LINC00305: variants seen among roughly 807,000 people sequenced by gnomAD.
LINC00305 encodes the protein long intergenic non-protein coding RNA 305.
At chr18:64,129,300 A>G (rs2051398955) in intron 1 of LINC00305, among the ~76,000 whole-genome samples, 1 of 152,106 alleles carries the variant, frequency 6.6e-6, no homozygotes, top group African/African-American at 2.4e-5. Flanking sequence ...TTTCCTCTTA[A>G]ATGACTGATT....
At chr18:64,110,698 C>T (rs1568109959) in intron 1 of LINC00305, among the ~76,000 whole-genome samples, 2 of 151,774 alleles carry the variant, frequency 1.3e-5, no homozygotes, top group South Asian at 2.1e-4. Flanking sequence ...TTTTTTTGCA[C>T]GAGTTATTTA....
rs1204422175 is a variant in LINC00305 at position 64,143,562 on chromosome 18, ATATATACACATATG to A, written n.314+5199_314+5212del. Among the ~76,000 whole-genome samples the A allele has an allele frequency of 8.8e-4, 17 of 19,244 alleles. 2 individuals carry two copies. Among genetic ancestry groups the A allele is most frequent in the Middle Eastern group, 0.062 (1 of 16 alleles). 12.6% of individuals were successfully genotyped at this position (19,244 alleles called of 152,430 possible). ...ATATATGTACACATATTATGTGTAC[ATATATACACATATG>A]TATATGTACATATGTACACATATGT... On this transcript the variant is annotated intron_variant and non_coding_transcript_variant, in intron 1 of 3. Coordinates refer to ENST00000666468, the Ensembl canonical transcript of LINC00305.
intron 1 of LINC00305, among the ~76,000 whole-genome samples, chr18:64,105,209 C>T (rs2051285052): frequency 6.6e-6 from 1 of 152,078 alleles, no homozygotes; most frequent in Non-Finnish European, 1.5e-5. Flanking sequence ...GGCTGTAATC[C>T]CAGCACTTAG....
intron 1 of LINC00305, among the ~76,000 whole-genome samples, chr18:64,144,142 T>C (rs1167165545): frequency 6.6e-6 from 1 of 152,190 alleles, no homozygotes; most frequent in Non-Finnish European, 1.5e-5. Flanking sequence ...TCTATTAATA[T>C]CTACCTTGCT....
chr18:64,105,580 G>A (rs1279772373), intron 1 of LINC00305, among the ~76,000 whole-genome samples: 1 of 152,176 alleles, frequency 6.6e-6, no homozygotes, highest in African/African-American at 2.4e-5. Flanking sequence ...GTGTGTACGT[G>A]CACGTGTGTG....
chr18:64,143,488 T>A (rs1287815446), intron 1 of LINC00305, among the ~76,000 whole-genome samples: 1 of 49,736 alleles, frequency 2.0e-5, no homozygotes, highest in Non-Finnish European at 4.3e-5. Context: ...TGATGGTGTG[T>A]GTGTGTATAT....
At chr18:64,145,586 T>G (rs1165085897) in intron 1 of LINC00305, among the ~76,000 whole-genome samples, 3 of 152,134 alleles carry the variant, frequency 2.0e-5, no homozygotes, top group Non-Finnish European at 4.4e-5. Context: ...TAATATTTTT[T>G]TGTAGTTTTA....
intron 1 of LINC00305, among the ~76,000 whole-genome samples, chr18:64,114,033 A>G (rs959873975): frequency 1.3e-5 from 2 of 152,090 alleles, no homozygotes; most frequent in African/African-American, 2.4e-5. Flanking sequence ...ACTTTGGGAG[A>G]CCGAGGCGGG....
chr18:64,104,919 T>C (rs775006596), intron 1 of LINC00305, among the ~76,000 whole-genome samples: 1 of 151,860 alleles, frequency 6.6e-6, no homozygotes, highest in Non-Finnish European at 1.5e-5. Context: ...ATTGTTCTAT[T>C]CTCGGTGGTG....
chr18:64,140,591 C>A (rs1373886718), intron 1 of LINC00305, among the ~76,000 whole-genome samples: 1 of 152,142 alleles, frequency 6.6e-6, no homozygotes, highest in African/African-American at 2.4e-5. Flanking sequence ...AAAATGAACG[C>A]TCCTTGAGGA....
chr18:64,110,139 G>A (rs1383566614), intron 1 of LINC00305, among the ~76,000 whole-genome samples: 4 of 152,156 alleles, frequency 2.6e-5, no homozygotes, highest in Admixed American at 6.5e-5. Flanking sequence ...TGAGATAGTA[G>A]AGTCAAAATT....
chr18:64,080,349 C>T, exon 4 of LINC00305: 1 of 457,700 alleles, frequency 2.2e-6, no homozygotes, highest in Non-Finnish European at 4.4e-6. Flanking sequence ...TGGCTTTCTT[C>T]CTTGCTTCCT....
chr18:64,140,162 G>A (rs889581019), intron 1 of LINC00305, among the ~76,000 whole-genome samples: 3 of 151,884 alleles, frequency 2.0e-5, no homozygotes, highest in South Asian at 4.2e-4. Flanking sequence ...CTATCCAATC[G>A]GAATTACCTT....
chr18:64,123,598 T>G (rs949670742), intron 1 of LINC00305, among the ~76,000 whole-genome samples: 1 of 152,092 alleles, frequency 6.6e-6, no homozygotes, highest in Non-Finnish European at 1.5e-5. Flanking sequence ...ACCTTCCCCT[T>G]TGGCTTATCC....
At chr18:64,132,611 T>C (rs1339800816) in intron 1 of LINC00305, among the ~76,000 whole-genome samples, 3 of 152,122 alleles carry the variant, frequency 2.0e-5, no homozygotes, top group Admixed American at 6.5e-5. Context: ...TAGACCACAT[T>C]CCCACTGAGT....
intron 1 of LINC00305, among the ~76,000 whole-genome samples, chr18:64,133,866 G>T (rs1447729830): frequency 1.3e-5 from 2 of 151,882 alleles, no homozygotes; most frequent in Non-Finnish European, 2.9e-5. Context: ...TTCTTTTCTG[G>T]CTGAAAACAT....
intron 1 of LINC00305, among the ~76,000 whole-genome samples, chr18:64,105,482 A>T (rs1335904653): frequency 6.6e-6 from 1 of 152,156 alleles, no homozygotes; most frequent in Non-Finnish European, 1.5e-5. Context: ...AAACAAAAAA[A>T]AGTTATCTAG....
chr18:64,113,102 A>G (rs533944529), intron 1 of LINC00305, among the ~76,000 whole-genome samples: 15 of 152,280 alleles, frequency 9.9e-5, no homozygotes, highest in Middle Eastern at 3.4e-3. Flanking sequence ...CTGACACTCA[A>G]ACTCCTGGTC....
chr18:64,099,659 T>A (rs2144238864), intron 1 of LINC00305, among the ~76,000 whole-genome samples: 1 of 152,330 alleles, frequency 6.6e-6, no homozygotes, highest in Non-Finnish European at 1.5e-5. Context: ...TGGTAAGAAC[T>A]CGGAACTGAG....
Sources: gnomAD v4.1 joint callset for allele counts (sites outside exome capture counted in the v4.1 genomes callset) on GRCh38, gnomAD v4.1.1 for gene constraint, MANE v1.5 for transcripts, NCBI Gene and HGNC (gene_info 2026-07-23, HGNC 2026-07-21) for gene names.